PTPRR: variants seen among roughly 807,000 people sequenced by gnomAD.
PTPRR encodes receptor-type tyrosine-protein phosphatase R.
A neutral mutation model predicts 77.2 loss-of-function variants in PTPRR; 38 were observed. The ratio of observed to expected loss-of-function variants is 0.49; its 90% CI spans 0.38 to 0.65. PTPRR has a LOEUF of 0.65. Among genes scored for constraint, PTPRR ranks in the 30% least tolerant of loss-of-function variants. The pLI is 0.00. For missense variants in PTPRR, 744 were observed against 799.2 expected, an observed-to-expected ratio of 0.93 and a Z score of 0.83; for synonymous variants, 299 against 283.1, an observed-to-expected ratio of 1.06 and a Z score of -0.57.
intron 8 of PTPRR, among the ~76,000 whole-genome samples, chr12:70,696,922 T>C (rs76713928): frequency 0.064 from 9,699 of 152,222 alleles, 499 homozygotes; most frequent in East Asian, 0.16. Flanking sequence ...CATTCAAGGT[T>C]CATCAGTGCC....
intron 2 of PTPRR, among the ~76,000 whole-genome samples, chr12:70,813,319 A>G (rs1177410320): frequency 2.0e-5 from 3 of 152,220 alleles, no homozygotes; most frequent in African/African-American, 7.2e-5. Flanking sequence ...AAGAGGATTA[A>G]CTTTTGCATT....
At chr12:70,701,391 T>C (rs1888420329) in intron 6 of PTPRR, 68 bp from the exon 7 acceptor site, 3 of 1,393,274 alleles carry the variant, frequency 2.2e-6, no homozygotes, top group Non-Finnish European at 3.0e-6. Flanking sequence ...CTTGTCTTTC[T>C]GTACATGCAC....
At chr12:70,746,426 C>T (rs1208066283) in intron 5 of PTPRR, among the ~76,000 whole-genome samples, 4 of 152,048 alleles carry the variant, frequency 2.6e-5, no homozygotes, top group African/African-American at 7.3e-5. Flanking sequence ...AAGGAATAAC[C>T]GTAAAACACA....
intron 2 of PTPRR, among the ~76,000 whole-genome samples, chr12:70,766,279 A>G (rs1487378744): frequency 2.6e-5 from 4 of 152,182 alleles, no homozygotes; most frequent in African/African-American, 4.8e-5. Context: ...AAATTTAGAC[A>G]AATGTATAAC....
intron 6 of PTPRR, among the ~76,000 whole-genome samples, chr12:70,715,885 C>T (rs867829167): frequency 6.6e-6 from 1 of 152,114 alleles, no homozygotes; most frequent in Non-Finnish European, 1.5e-5. Flanking sequence ...TCCTTCTCAG[C>T]TGACAGGATT....
At chr12:70,662,715 A>G (rs892989721) in intron 10 of PTPRR, 110 bp from the exon 11 acceptor site, 14 of 571,364 alleles carry the variant, frequency 2.5e-5, no homozygotes, top group Non-Finnish European at 6.1e-6. Flanking sequence ...TAAAATATCA[A>G]ATATCAATTT....
At chr12:70,889,656 C>T (rs910392800) in intron 2 of PTPRR, among the ~76,000 whole-genome samples, 1 of 152,022 alleles carries the variant, frequency 6.6e-6, no homozygotes, top group African/African-American at 2.4e-5. Context: ...GGAAACTCAT[C>T]ATCTTCCTAT....
intron 1 of PTPRR, among the ~76,000 whole-genome samples, chr12:70,902,187 T>C (rs1893547071): frequency 2.0e-5 from 3 of 151,786 alleles, no homozygotes; most frequent in African/African-American, 7.2e-5. Flanking sequence ...ATGGATGCAG[T>C]GATCAGGGAA....
chr12:70,814,632 G>T (rs756581789), intron 2 of PTPRR, among the ~76,000 whole-genome samples: 1 of 152,238 alleles, frequency 6.6e-6, no homozygotes, highest in African/African-American at 2.4e-5. Flanking sequence ...AGAGGGGGCC[G>T]GCCCGGCTTT....
intron 6 of PTPRR, among the ~76,000 whole-genome samples, chr12:70,719,111 G>C (rs892801956): frequency 1.3e-5 from 2 of 152,140 alleles, no homozygotes; most frequent in Non-Finnish European, 2.9e-5. Flanking sequence ...TCAGACCTCA[G>C]CAAGTCAAAA....
intron 5 of PTPRR, among the ~76,000 whole-genome samples, 174 bp downstream of exon 5, chr12:70,754,017 A>T (rs1157326525): frequency 6.6e-6 from 1 of 152,108 alleles, no homozygotes; most frequent in Non-Finnish European, 1.5e-5. Flanking sequence ...TTAATTCCAT[A>T]AGCTCTCCTT....
At position 70,872,424 on chromosome 12, in the gene PTPRR, G is replaced by A. The variant is rs150120898; in HGVS notation, c.357+20255C>T. Among the ~76,000 whole-genome samples the A allele has an allele frequency of 1.3e-3, 190 of 151,702 alleles. 1 individual carries two copies. The highest frequency in any genetic ancestry group is 4.4e-3 in the African/African-American group (182 of 41,362). On this transcript the variant is annotated intron_variant, in intron 2 of 13. Transcript: ENST00000283228. Reference sequence around the variant, plus strand: ...AGAATCCACCAAGTCAGCCGCTTGCGGTGGCTCACACCTGTAATCCCAGCA... The same window carrying A: ...AGAATCCACCAAGTCAGCCGCTTGCAGTGGCTCACACCTGTAATCCCAGCA...
chr12:70,899,267 A>C lies in PTPRR; in HGVS notation c.59-6290T>G, dbSNP rs546268454. ...ACAAAAGCAGATAGAGACAATCCTAAAAAAAAACACTATAGACCAATATTG... is the reference window on the plus strand; with the variant it reads ...ACAAAAGCAGATAGAGACAATCCTACAAAAAAACACTATAGACCAATATTG... On this transcript the variant is annotated intron_variant, in intron 1 of 13. Transcript: ENST00000283228. Among the ~76,000 whole-genome samples the C allele has an allele frequency of 2.0e-5, 3 of 151,342 alleles. No individual in the cohort carries two copies. In the East Asian group the frequency reaches 5.8e-4, roughly 29 times the overall value.
chr12:70,737,383 C>T (rs987141083), intron 6 of PTPRR, among the ~76,000 whole-genome samples: 2 of 152,122 alleles, frequency 1.3e-5, no homozygotes, highest in African/African-American at 4.8e-5. Flanking sequence ...TGTGCTTTTA[C>T]AGAACCTCAC....
At chr12:70,645,823 A>AG (rs1555244354) in intron 13 of PTPRR, among the ~76,000 whole-genome samples, 9 of 139,406 alleles carry the variant, frequency 6.5e-5, no homozygotes, top group African/African-American at 2.8e-4. Context: ...CAGGTTAGAA[A>AG]GGGAAAAAAA....
intron 2 of PTPRR, among the ~76,000 whole-genome samples, chr12:70,870,261 T>G (rs1240106453): frequency 6.6e-6 from 1 of 152,182 alleles, no homozygotes; most frequent in Middle Eastern, 3.4e-3. Flanking sequence ...TTAAAATAAA[T>G]GAGATACTTT....
chr12:70,639,548 G>A, intron 13 of PTPRR: 1 of 1,141,818 alleles, frequency 8.8e-7, no homozygotes, highest in Non-Finnish European at 1.1e-6. Flanking sequence ...AGGTGGTACA[G>A]CCTAATGATC....
intron 5 of PTPRR, among the ~76,000 whole-genome samples, chr12:70,750,906 CTT>C (rs35134063): frequency 1.1e-4 from 16 of 141,150 alleles, no homozygotes; most frequent in East Asian, 4.2e-4. Context: ...TTTTTAAACC[CTT>C]TTTTTTTTTT....
At chr12:70,718,407 A>G (rs1889115759) in intron 6 of PTPRR, among the ~76,000 whole-genome samples, 1 of 152,148 alleles carries the variant, frequency 6.6e-6, no homozygotes, top group East Asian at 1.9e-4. Flanking sequence ...CTGGGATTAC[A>G]GGCGTGTGCC....
Sources: gnomAD v4.1 joint callset for allele counts (sites outside exome capture counted in the v4.1 genomes callset) on GRCh38, gnomAD v4.1.1 for gene constraint, MANE v1.5 for transcripts, NCBI Gene and HGNC (gene_info 2026-07-23, HGNC 2026-07-21) for gene names.